The following SLC38A10 variants were observed in gnomAD, a reference collection of about 807,000 sequenced individuals.
SLC38A10 encodes the protein solute carrier family 38 member 10.
Under a neutral mutation model 81.0 loss-of-function variants are expected in SLC38A10, and 53 were observed. That is an observed-to-expected ratio of 0.65 (90% CI 0.53 to 0.82). The LOEUF is 0.82. SLC38A10 is among the 40% of genes least tolerant of loss of function. SLC38A10 has a pLI of 0.00. For synonymous variants in SLC38A10, 665 were observed against 655.3 expected (o/e 1.01, Z -0.23); for missense variants, 1,471 against 1,545.0 (o/e 0.95, Z 0.80).
intron 8 of SLC38A10, among the ~76,000 whole-genome samples, chr17:81,272,923 C>T (rs2063129831): frequency 1.3e-5 from 2 of 152,146 alleles, no homozygotes; most frequent in South Asian, 4.1e-4. Context: ...TTCCTTTTTG[C>T]TTTTAGAGCA....
At chr17:81,291,609 C>T (rs2146960803) in intron 1 of SLC38A10, among the ~76,000 whole-genome samples, 1 of 152,274 alleles carries the variant, frequency 6.6e-6, no homozygotes, top group Non-Finnish European at 1.5e-5. Flanking sequence ...TGCGGGCCGG[C>T]ATGTGCACCA....
chr17:81,245,655 G>A lies in SLC38A10; in HGVS notation c.3261C>T (p.Gly1087=), dbSNP rs763821561. Residue 1087 remains glycine (G), a synonymous_variant, in exon 16 of 16, where the codon GGC becomes GGT. Coordinates refer to ENST00000374759, the MANE Select transcript of SLC38A10 (RefSeq NM_001037984.3). Reference sequence around the variant, plus strand: ...CCTGGCGGAGCTGGGCATCCAGGGCGCCACGGAGGTCGTTCACCTGGACAT... The same window carrying A: ...CCTGGCGGAGCTGGGCATCCAGGGCACCACGGAGGTCGTTCACCTGGACAT... ...LPDVQVNDLR[G]ALDAQLRQAA... 74 of 1,611,808 alleles carry A rather than the reference G, an allele frequency of 4.6e-5. No individual in the cohort carries two copies. The highest frequency in any genetic ancestry group is 5.4e-5 in the Non-Finnish European group (64 of 1,179,548).
At position 81,277,944 on chromosome 17, in the gene SLC38A10, C is replaced by CT; in HGVS notation, c.627-812_627-811insA. Among the ~76,000 whole-genome samples the CT allele has an allele frequency of 6.6e-6, 1 of 151,162 alleles. No individual in the cohort carries two copies. On this transcript the variant is annotated intron_variant, in intron 6 of 15. Coordinates refer to ENST00000374759, the MANE Select transcript of SLC38A10 (RefSeq NM_001037984.3). This position sits in a 1 kb window ranked among gnomAD's most constrained non-coding sequence, Gnocchi z 4.5. ...GAACGAGGACTCTGGAGTGGGAGTC[C>CT]AGGGGGGTGCTCCTAGGGTGTCCAG...
Position 81,277,188 on chromosome 17 carries a change from G to A in SLC38A10, c.627-55C>T. 1 of 1,529,814 alleles carries A rather than the reference G, an allele frequency of 6.5e-7. No individual in the cohort carries two copies. The highest frequency in any genetic ancestry group is 9.0e-7 in the Non-Finnish European group (1 of 1,107,636). 94.8% of individuals were successfully genotyped at this position (1,529,814 alleles called of 1,614,324 possible). A position where few individuals can be genotyped will look rare whatever the true frequency, so the allele number is the denominator to read the frequency against. On this transcript the variant is annotated intron_variant, in intron 6 of 15. Transcript: ENST00000374759. The surrounding 1 kb of genome is among the most constrained non-coding windows in gnomAD (Gnocchi z 4.5). ...ACCTGAGAGAGGCACGCCCTCCCCA[G>A]CGGCTCCACTTCTAGGACCTCTCTG...
rs1027387077 is a variant in SLC38A10 at position 81,247,131 on chromosome 17, G to A, written c.2066-70C>T. On this transcript the variant is annotated intron_variant, in intron 14 of 15. Transcript: ENST00000374759. ...CACCGTGCTGGGCCAGGGACGGCGC[G>A]GCCCACAGCAAGGCAACGCACAGGT... 60 of 1,470,796 alleles carry A rather than the reference G, an allele frequency of 4.1e-5. No individual in the cohort carries two copies. In the African/African-American group the frequency reaches 5.0e-4, roughly 12 times the overall value. 91.1% of individuals were successfully genotyped at this position (1,470,796 alleles called of 1,614,324 possible). A position where few individuals can be genotyped will look rare whatever the true frequency, so the allele number is the denominator to read the frequency against.
rs750024388 is a variant in SLC38A10 at position 81,283,523 on chromosome 17, C to A, written c.264-21G>T. 1.9e-6 allele frequency: 3 copies of A among 1,591,638 alleles called. No individual in the cohort carries two copies. Among genetic ancestry groups the A allele is most frequent in the Admixed American group, 1.7e-5 (1 of 58,002 alleles). ...TCATGCTGCACAGGGACGGGGGGTA[C>A]GGGAAATGCCATCAGGGCAAGCTGG... On this transcript the variant is annotated intron_variant, in intron 3 of 15. Coordinates refer to ENST00000374759, the MANE Select transcript of SLC38A10 (RefSeq NM_001037984.3). The surrounding 1 kb of genome is among the most constrained non-coding windows in gnomAD (Gnocchi z 4.7).
intron 2 of SLC38A10, among the ~76,000 whole-genome samples, chr17:81,287,989 G>T (rs1206314952): frequency 6.6e-6 from 1 of 152,236 alleles, no homozygotes; most frequent in Non-Finnish European, 1.5e-5. Context: ...CATCCGGTAG[G>T]CATCTTTCAG....
chr17:81,262,448 A>T (rs140645273), intron 10 of SLC38A10, among the ~76,000 whole-genome samples: 330 of 152,364 alleles, frequency 2.2e-3, no homozygotes, highest in African/African-American at 7.5e-3. Flanking sequence ...CTGCCCCGCA[A>T]GGCAGCATAC....
At chr17:81,249,404 A>C in intron 14 of SLC38A10, among the ~76,000 whole-genome samples, 1 of 139,530 alleles carries the variant, frequency 7.2e-6, no homozygotes, top group Non-Finnish European at 1.5e-5. Context: ...GAGGAGGATG[A>C]AGGAGGGAGG....
intron 8 of SLC38A10, among the ~76,000 whole-genome samples, chr17:81,273,640 T>C (rs1598396700): frequency 6.6e-6 from 1 of 152,084 alleles, no homozygotes; most frequent in Non-Finnish European, 1.5e-5. Context: ...CTCAGGGCGG[T>C]AATTTGTATA....
At chr17:81,268,087 C>G (rs1567936368) in intron 10 of SLC38A10, among the ~76,000 whole-genome samples, 1 of 151,684 alleles carries the variant, frequency 6.6e-6, no homozygotes, top group Non-Finnish European at 1.5e-5. Context: ...GAGGAGCCAG[C>G]AAGATGATGA....
In SLC38A10 at chr17:81,270,813, A is replaced by T. The variant is rs2063108246; in HGVS notation, c.1131+105T>A. 2 of 915,384 alleles carry T rather than the reference A, an allele frequency of 2.2e-6. No individual in the cohort carries two copies. The highest frequency in any genetic ancestry group is 3.4e-6 in the Non-Finnish European group (2 of 588,798). The allele number at this position is 915,384 out of a possible 1,614,324, so 56.7% of individuals were successfully genotyped here. A position where few individuals can be genotyped will look rare whatever the true frequency, so the allele number is the denominator to read the frequency against. On this transcript the variant is annotated intron_variant, in intron 10 of 15. Coordinates refer to ENST00000374759, the MANE Select transcript of SLC38A10 (RefSeq NM_001037984.3). The surrounding 1 kb of genome is among the most constrained non-coding windows in gnomAD (Gnocchi z 4.0). Reference sequence around the variant, plus strand: ...TTTTGTGGGTTTTAAGTTTCTTGATAGAACCCATCTGAAAACGCTGAACCA... The same window carrying T: ...TTTTGTGGGTTTTAAGTTTCTTGATTGAACCCATCTGAAAACGCTGAACCA...
chr17:81,252,489 C>G lies in SLC38A10; in HGVS notation c.1651G>C (p.Glu551Gln), dbSNP rs774737503. Reference sequence around the variant, plus strand: ...TTCCCAACCTCTCCCTGCTCCGGCTCTTGTTTCTCTCTTTCTGAGTCGGGC... The same window carrying G: ...TTCCCAACCTCTCCCTGCTCCGGCTGTTGTTTCTCTCTTTCTGAGTCGGGC... Reference protein sequence around the residue: ...PLPDSEREKQEPEQGEVGKRP... With the variant: ...PLPDSEREKQQPEQGEVGKRP... Residue 551 changes from glutamate (E) to glutamine (Q), a missense_variant, in exon 13 of 16, where the codon GAG becomes CAG. Glu to Gln is a conservative substitution (Grantham distance 29). Coordinates refer to ENST00000374759, the MANE Select transcript of SLC38A10 (RefSeq NM_001037984.3). The G allele has an allele frequency of 4.3e-6, 7 of 1,613,412 alleles. No individual in the cohort carries two copies. In the South Asian group the frequency reaches 6.6e-5, roughly 15 times the overall value.
intron 1 of SLC38A10, among the ~76,000 whole-genome samples, chr17:81,292,025 C>G (rs1353985848): frequency 1.3e-5 from 2 of 152,094 alleles, no homozygotes; most frequent in Admixed American, 6.5e-5. Context: ...AACAGCACAT[C>G]TAAAGAAGTG....
Position 81,245,332 on chromosome 17 carries a change from G to A in SLC38A10, c.*224C>T. 1.8e-6 allele frequency: 1 copy of A among 560,586 alleles called. No individual in the cohort carries two copies. Among genetic ancestry groups the A allele is most frequent in the Non-Finnish European group, 3.0e-6 (1 of 331,240 alleles). The allele number at this position is 560,586 out of a possible 1,614,324, so 34.7% of individuals were successfully genotyped here. On this transcript the variant is annotated 3_prime_UTR_variant, in exon 16 of 16. Coordinates refer to ENST00000374759, the MANE Select transcript of SLC38A10 (RefSeq NM_001037984.3). ...GTGAGCTCAGAGTCTAGAGGTCAGA[G>A]GACCTCAGACTAAGAGCTGCAACAG... is the stretch of plus-strand genomic sequence containing the variant.
intron 12 of SLC38A10, 69 bp from the exon 13 acceptor site, chr17:81,252,752 T>C (rs2062931945): frequency 6.6e-7 from 1 of 1,515,176 alleles, no homozygotes; most frequent in South Asian, 1.3e-5. Flanking sequence ...GAATTAGAAC[T>C]GGGTTCTTCC....
At position 81,245,865 on chromosome 17, in the gene SLC38A10, C is replaced by T; in HGVS notation, c.3051G>A (p.Glu1017=). The T allele has an allele frequency of 6.2e-7, 1 of 1,612,334 alleles. No individual in the cohort carries two copies. The highest frequency in any genetic ancestry group is 1.1e-5 in the South Asian group (1 of 91,078). The change falls in exon 16 of 16, where the codon GAG becomes GAA. Residue 1017 remains glutamate, a synonymous_variant. Coordinates refer to ENST00000374759, the MANE Select transcript of SLC38A10 (RefSeq NM_001037984.3). The part of the protein sequence containing the change: ...AAVQEPRQRP[E]PELGLKRAVP... ...CAGCTCGTTTGAGCCCCAGCTCTGG[C>T]TCTGGCCTCTGCCTGGGCTCCTGGA...
rs35205193 is a variant in SLC38A10 at position 81,276,317 on chromosome 17, C to T, written c.730-166G>A. Among the ~76,000 whole-genome samples the T allele has an allele frequency of 0.028, 4,236 of 152,224 alleles. 79 individuals carry two copies. The highest frequency in any genetic ancestry group is 0.065 in the Middle Eastern group (19 of 294). Reference sequence around the variant, plus strand: ...AAGAGATGGCCTTCCAGGGGCAAGGCACCATTTCGCCTCCTCCTTCTAAAA... The same window carrying T: ...AAGAGATGGCCTTCCAGGGGCAAGGTACCATTTCGCCTCCTCCTTCTAAAA... On this transcript the variant is annotated intron_variant, in intron 7 of 15. Transcript: ENST00000374759. This position sits in a 1 kb window ranked among gnomAD's most constrained non-coding sequence, Gnocchi z 4.7.
chr17:81,251,732 C>CATATAAA (rs2062916731), intron 13 of SLC38A10, 120 bp from the exon 14 acceptor site: 6 of 1,085,896 alleles, frequency 5.5e-6, no homozygotes, highest in Non-Finnish European at 7.4e-6. Flanking sequence ...TAAAGTGACA[C>CATATAAA]CCCCGTCAGC....
Sources: allele counts gnomAD v4.1 joint callset (sites outside exome capture counted in the v4.1 genomes callset), GRCh38; gene constraint gnomAD v4.1.1; non-coding constraint Gnocchi (gnomAD v3.1); transcripts MANE v1.5; gene names NCBI Gene and HGNC (gene_info 2026-07-23, HGNC 2026-07-21).